The following PIK3C2A variants were observed in gnomAD, a reference collection of about 807,000 sequenced individuals.
PIK3C2A encodes the protein phosphatidylinositol-4-phosphate 3-kinase catalytic subunit type 2 alpha.
Under a neutral mutation model 204.5 loss-of-function variants are expected in PIK3C2A, and 97 were observed. The observed-to-expected ratio is 0.47, with a 90% CI of 0.40 to 0.56. The LOEUF is 0.56. Among genes scored for constraint, PIK3C2A ranks in the 20% least tolerant of loss-of-function variants. The pLI, the probability that PIK3C2A is intolerant of heterozygous loss-of-function variation, is 0.00. For synonymous variants in PIK3C2A, 653 were observed against 664.4 expected, an observed-to-expected ratio of 0.98 and a Z score of 0.26; for missense variants, 1,735 against 1,969.2, an observed-to-expected ratio of 0.88 and a Z score of 2.25.
chr11:17,116,419 TG>T (rs1849193272), intron 19 of PIK3C2A, among the ~76,000 whole-genome samples: 1 of 152,126 alleles, frequency 6.6e-6, no homozygotes, highest in Admixed American at 6.5e-5. Context: ...GTGGTGAAAC[TG>T]GAACCCTTCT....
chr11:17,149,842 C>G (rs1425208836), intron 4 of PIK3C2A, among the ~76,000 whole-genome samples: 2 of 152,060 alleles, frequency 1.3e-5, no homozygotes, highest in Non-Finnish European at 2.9e-5. Flanking sequence ...AAGTACAAAG[C>G]TAGAAAGAAT....
chr11:17,184,064 G>A (rs1267231185), intron 1 of PIK3C2A, among the ~76,000 whole-genome samples: 1 of 152,006 alleles, frequency 6.6e-6, no homozygotes, highest in Non-Finnish European at 1.5e-5. Context: ...AAGTTACAGT[G>A]AGTTATATGA....
chr11:17,200,836 A>G (rs1411952921), intron 1 of PIK3C2A, among the ~76,000 whole-genome samples: 1 of 152,252 alleles, frequency 6.6e-6, no homozygotes, highest in Non-Finnish European at 1.5e-5. Context: ...TAACAATGGT[A>G]GTATCATGTC....
rs1385545699 is a variant in PIK3C2A, at chr11:17,169,506, G to T, written c.236C>A (p.Pro79His). 5.6e-6 allele frequency: 9 copies of T among 1,613,784 alleles called. No individual in the cohort carries two copies. The highest frequency in any genetic ancestry group is 6.8e-6 in the Non-Finnish European group (8 of 1,179,912). ...NKQDYDLMVF[P>H]ESDSQKRALD... ...TGCTCTTTTTTGGGAATCTGATTCAGGAAACACCATGAGATCATAATCCTG... is the reference window on the plus strand; with the variant it reads ...TGCTCTTTTTTGGGAATCTGATTCATGAAACACCATGAGATCATAATCCTG... Residue 79 changes from proline (P) to histidine (H), a missense_variant, in exon 2 of 33, where the codon CCT becomes CAT. Transcript: ENST00000691414.
chr11:17,107,456 A>G (rs1186054692), intron 22 of PIK3C2A, among the ~76,000 whole-genome samples: 7 of 152,240 alleles, frequency 4.6e-5, no homozygotes, highest in Non-Finnish European at 1.0e-4. Context: ...GGAGAACTGT[A>G]TTTCTGTGTT....
intron 24 of PIK3C2A, 145 bp downstream of exon 24, chr11:17,102,517 A>G: frequency 1.7e-6 from 1 of 590,312 alleles, no homozygotes; most frequent in Non-Finnish European, 3.0e-6. Context: ...CTTGTCTACT[A>G]TGTGGTATGG....
chr11:17,178,641 C>T (rs1284029449), intron 1 of PIK3C2A, among the ~76,000 whole-genome samples: 3 of 151,742 alleles, frequency 2.0e-5, no homozygotes, highest in Non-Finnish European at 4.4e-5. Context: ...CAGTTCACTG[C>T]AACCTCCACT....
At chr11:17,120,427 A>G (rs1487307403) in intron 15 of PIK3C2A, among the ~76,000 whole-genome samples, 5 of 152,076 alleles carry the variant, frequency 3.3e-5, no homozygotes, top group Admixed American at 3.3e-4. Context: ...GAAGATCCTA[A>G]TTGTTTTAAG....
intron 2 of PIK3C2A, among the ~76,000 whole-genome samples, chr11:17,165,782 GAAAAAAAAAAAAAA>G (rs35384397): frequency 2.5e-5 from 2 of 78,854 alleles, no homozygotes; most frequent in Non-Finnish European, 2.3e-5. Context: ...TCAAAAAAGT[GAAAAAAAAAAAAAA>G]AAAAAAAAAA....
intron 1 of PIK3C2A, among the ~76,000 whole-genome samples, chr11:17,190,497 G>T (rs538658721): frequency 8.6e-4 from 130 of 151,414 alleles, no homozygotes; most frequent in African/African-American, 2.8e-3. Context: ...CTTGAACCCA[G>T]GAGGCAGAGG....
In PIK3C2A at chr11:17,089,728, A is replaced by C; in HGVS notation, c.*10T>G. 2 of 1,598,190 alleles carry C rather than the reference A, an allele frequency of 1.3e-6. No individual in the cohort carries two copies. The highest frequency in any genetic ancestry group is 1.7e-6 in the Non-Finnish European group (2 of 1,166,526). ...CTGTTCATGCTTCCAAAGCTCAAAC[A>C]TTCACTAGTTTACAAGTATGTTGCC... On this transcript the variant is annotated 3_prime_UTR_variant, in exon 33 of 33. Coordinates refer to ENST00000691414, the MANE Select transcript of PIK3C2A (RefSeq NM_002645.4).
chr11:17,144,935 T>C (rs1262190215), intron 8 of PIK3C2A, among the ~76,000 whole-genome samples: 1 of 150,628 alleles, frequency 6.6e-6, no homozygotes, highest in Non-Finnish European at 1.5e-5. Flanking sequence ...CTTTAAGCTT[T>C]AATGACTGCC....
intron 1 of PIK3C2A, among the ~76,000 whole-genome samples, chr11:17,197,733 C>A (rs537970047): frequency 5.3e-5 from 8 of 152,290 alleles, no homozygotes; most frequent in African/African-American, 1.9e-4. Flanking sequence ...TGATCTACTT[C>A]ATTGTTCATT....
chr11:17,121,106 TTTC>T (rs1418057678), intron 15 of PIK3C2A, among the ~76,000 whole-genome samples: 2 of 150,164 alleles, frequency 1.3e-5, no homozygotes, highest in Admixed American at 6.6e-5. Flanking sequence ...CCAATCAATT[TTTC>T]TTTTCTTTTC....
intron 27 of PIK3C2A, among the ~76,000 whole-genome samples, chr11:17,094,846 AAT>A (rs1170130033): frequency 1.1e-4 from 16 of 152,348 alleles, no homozygotes; most frequent in African/African-American, 3.6e-4. Context: ...TTATCTTGGT[AAT>A]ATATATGTCA....
At chr11:17,196,726 C>A (rs1041236823) in intron 1 of PIK3C2A, among the ~76,000 whole-genome samples, 1 of 152,030 alleles carries the variant, frequency 6.6e-6, no homozygotes, top group East Asian at 1.9e-4. Flanking sequence ...CCGGCCACCA[C>A]GCTTGACTAA....
At chr11:17,200,422 A>C (rs1401432269) in intron 1 of PIK3C2A, among the ~76,000 whole-genome samples, 1 of 146,544 alleles carries the variant, frequency 6.8e-6, no homozygotes, top group East Asian at 2.1e-4. Flanking sequence ...ACTTTCTAAA[A>C]AAGTTTATTA....
Position 17,148,643 on chromosome 11 carries a change from T to C in PIK3C2A, c.1448+24A>G, listed in dbSNP as rs763476551. ...TTAAAAATGAAATTTCCAAGGATGT[T>C]GCTCAGTAGTTAAATAAACTTACTT... is the stretch of plus-strand genomic sequence containing the variant. On this transcript the variant is annotated intron_variant, in intron 5 of 32. Coordinates refer to ENST00000691414, the MANE Select transcript of PIK3C2A (RefSeq NM_002645.4). 1.9e-6 allele frequency: 3 copies of C among 1,606,262 alleles called. No homozygotes were observed. In the East Asian group the frequency reaches 6.7e-5, roughly 36 times the overall value.
chr11:17,133,508 C>A (rs1231358233), intron 11 of PIK3C2A, among the ~76,000 whole-genome samples: 1 of 152,010 alleles, frequency 6.6e-6, no homozygotes, highest in Non-Finnish European at 1.5e-5. Flanking sequence ...TAATCTAAAG[C>A]CCAATTTAAG....
Sources: allele counts gnomAD v4.1 joint callset (sites outside exome capture counted in the v4.1 genomes callset), GRCh38; gene constraint gnomAD v4.1.1; transcripts MANE v1.5; gene names NCBI Gene and HGNC (gene_info 2026-07-23, HGNC 2026-07-21).